SLC35F3: variants seen among roughly 807,000 people sequenced by gnomAD.
SLC35F3 encodes solute carrier family 35 member F3.
A neutral mutation model predicts 49.9 loss-of-function variants in SLC35F3; 25 were observed. The ratio of observed to expected loss-of-function variants is 0.50; its 90% CI spans 0.37 to 0.70. The LOEUF is 0.70. Ranked by LOEUF, SLC35F3 falls within the 30% of genes least tolerant of loss-of-function variation. SLC35F3 has a pLI of 0.00. For synonymous variants in SLC35F3, 275 were observed against 265.4 expected (o/e 1.04, Z -0.35); for missense variants, 525 against 639.8 (o/e 0.82, Z 1.94).
At chr1:234,101,405 A>G (rs2102882467) in intron 2 of SLC35F3, among the ~76,000 whole-genome samples, 1 of 152,318 alleles carries the variant, frequency 6.6e-6, no homozygotes, top group South Asian at 2.1e-4. Flanking sequence ...TGGAGATAGT[A>G]ACAGAACCAA....
At chr1:234,215,800 CA>C (rs1667113087) in intron 2 of SLC35F3, among the ~76,000 whole-genome samples, 1 of 152,166 alleles carries the variant, frequency 6.6e-6, no homozygotes, top group Non-Finnish European at 1.5e-5. Flanking sequence ...CTGTGATCCC[CA>C]TCCTACTGAG....
chr1:233,942,809 A>G (rs1200945824), intron 2 of SLC35F3, among the ~76,000 whole-genome samples: 3 of 152,216 alleles, frequency 2.0e-5, no homozygotes, highest in Non-Finnish European at 2.9e-5. Flanking sequence ...CTCATCTTGC[A>G]TGACTGGAGC....
intron 2 of SLC35F3, among the ~76,000 whole-genome samples, chr1:233,953,790 G>A (rs1662648784): frequency 6.6e-6 from 1 of 152,054 alleles, no homozygotes; most frequent in Non-Finnish European, 1.5e-5. Context: ...AGAATGGGAG[G>A]GGAAAAAAGA....
At chr1:233,915,375 T>G (rs898881202) in intron 2 of SLC35F3, among the ~76,000 whole-genome samples, 2 of 152,154 alleles carry the variant, frequency 1.3e-5, no homozygotes, top group African/African-American at 2.4e-5. Context: ...TTTTGATGAA[T>G]GTATATTAAG....
At chr1:234,192,699 A>G (rs1666748995) in intron 2 of SLC35F3, among the ~76,000 whole-genome samples, 1 of 151,854 alleles carries the variant, frequency 6.6e-6, no homozygotes, top group Non-Finnish European at 1.5e-5. Context: ...AAAACCCTAA[A>G]GACTCCTCCA....
intron 2 of SLC35F3, among the ~76,000 whole-genome samples, chr1:234,141,876 G>A (rs969024542): frequency 1.3e-5 from 2 of 152,042 alleles, no homozygotes; most frequent in Non-Finnish European, 2.9e-5. Context: ...TTTCCTCAAG[G>A]CAGCCAGCCC....
At position 234,219,828 on chromosome 1, in the gene SLC35F3, G is replaced by A. The variant is rs114963696; in HGVS notation, c.284-11589G>A. ...TTGGAACTGCTTTTCCTGGAAGCAC[G>A]GTCGGGATGGCATGGTAGAGGAGTT... On this transcript the variant is annotated intron_variant, in intron 2 of 7. Coordinates refer to ENST00000366618, the MANE Select transcript of SLC35F3 (RefSeq NM_173508.4). 2.6e-3 allele frequency among the ~76,000 whole-genome samples: 400 copies of A among 152,312 alleles called. 6 individuals are homozygous for A. The highest frequency in any genetic ancestry group is 9.2e-3 in the African/African-American group (382 of 41,552).
At position 234,273,015 on chromosome 1, in the gene SLC35F3, G is replaced by A. The variant is rs544433085; in HGVS notation, c.609-36086G>A. 5.9e-5 allele frequency among the ~76,000 whole-genome samples: 9 copies of A among 152,254 alleles called. No individual in the cohort carries two copies. In the East Asian group the frequency reaches 9.7e-4, roughly 16 times the overall value. The stretch of plus-strand genomic sequence containing the variant: ...ACTGCCTCTCTGGTCGGCACTCCTC[G>A]GATCCCTCTCTTGCTTTTCTGTCAC... On this transcript the variant is annotated intron_variant, in intron 3 of 7. Coordinates refer to ENST00000366618, the MANE Select transcript of SLC35F3 (RefSeq NM_173508.4).
chr1:234,170,280 A>T (rs531843797), intron 2 of SLC35F3, among the ~76,000 whole-genome samples: 1 of 152,296 alleles, frequency 6.6e-6, no homozygotes, highest in East Asian at 1.9e-4. Flanking sequence ...AGAGGGGGGC[A>T]CGGCAGCTCG....
At chr1:234,087,155 C>T (rs1664973598) in intron 2 of SLC35F3, among the ~76,000 whole-genome samples, 1 of 152,302 alleles carries the variant, frequency 6.6e-6, no homozygotes, top group Non-Finnish European at 1.5e-5. Flanking sequence ...CCACTGCTTC[C>T]AAGCCTTTGG....
chr1:234,116,805 C>T (rs546321220), intron 2 of SLC35F3, among the ~76,000 whole-genome samples: 29 of 152,280 alleles, frequency 1.9e-4, no homozygotes, highest in African/African-American at 5.5e-4. Flanking sequence ...TGAGCCACCG[C>T]GCCCAGCCTA....
At chr1:234,072,728 C>G (rs907491017) in intron 2 of SLC35F3, among the ~76,000 whole-genome samples, 19 of 152,242 alleles carry the variant, frequency 1.2e-4, no homozygotes, top group African/African-American at 4.6e-4. Flanking sequence ...GTTTGGGGAA[C>G]AGGAGGAAGC....
chr1:234,224,152 C>G (rs1222154387), intron 2 of SLC35F3, among the ~76,000 whole-genome samples: 1 of 152,186 alleles, frequency 6.6e-6, no homozygotes, highest in Admixed American at 6.5e-5. Context: ...GCAGCCTCAA[C>G]TTTCTGGGCT....
intron 3 of SLC35F3, among the ~76,000 whole-genome samples, chr1:234,297,196 G>A (rs569970096): frequency 3.1e-4 from 47 of 152,142 alleles, no homozygotes; most frequent in African/African-American, 7.5e-4. Flanking sequence ...CTTGTACACC[G>A]TTGTAGAAAT....
intron 2 of SLC35F3, among the ~76,000 whole-genome samples, chr1:234,100,823 T>C (rs1665203676): frequency 6.6e-6 from 1 of 152,214 alleles, no homozygotes; most frequent in South Asian, 2.1e-4. Context: ...ACAGAGCATA[T>C]TACTTCTGCC....
intron 2 of SLC35F3, among the ~76,000 whole-genome samples, chr1:233,981,713 T>G (rs1663187653): frequency 6.6e-6 from 1 of 151,386 alleles, no homozygotes; most frequent in Non-Finnish European, 1.5e-5. Flanking sequence ...GCGTAGTAAG[T>G]GTATGTTTAA....
intron 2 of SLC35F3, among the ~76,000 whole-genome samples, chr1:234,196,892 A>G (rs1395583036): frequency 6.6e-6 from 1 of 152,226 alleles, no homozygotes; most frequent in African/African-American, 2.4e-5. Context: ...CAGTGAGCCA[A>G]GATAGTGCCA....
intron 2 of SLC35F3, among the ~76,000 whole-genome samples, chr1:233,992,372 A>T (rs1485771875): frequency 6.6e-6 from 1 of 152,240 alleles, no homozygotes; most frequent in African/African-American, 2.4e-5. Flanking sequence ...GGGAAGTTCA[A>T]GAGCGTGGCC....
intron 2 of SLC35F3, among the ~76,000 whole-genome samples, chr1:234,054,113 T>C (rs1245395055): frequency 6.6e-6 from 1 of 152,220 alleles, no homozygotes; most frequent in Non-Finnish European, 1.5e-5. Flanking sequence ...CTGACAATTA[T>C]GTGTCTTGGA....
Sources: gnomAD v4.1 joint callset for allele counts (sites outside exome capture counted in the v4.1 genomes callset) on GRCh38, gnomAD v4.1.1 for gene constraint, MANE v1.5 for transcripts, NCBI Gene and HGNC (gene_info 2026-07-23, HGNC 2026-07-21) for gene names.